The following CNIH3 variants were observed in gnomAD, a reference collection of about 807,000 sequenced individuals.
The protein encoded by CNIH3 is cornichon family AMPA receptor auxiliary protein 3, also known as protein cornichon homolog 3.
Under a neutral mutation model 24.1 loss-of-function variants are expected in CNIH3, and 14 were observed. That is an observed-to-expected ratio of 0.58 (90% CI 0.38 to 0.91). The LOEUF is 0.91. Among genes scored for constraint, CNIH3 ranks in the 40% least tolerant of loss-of-function variants. The probability of loss-of-function intolerance (pLI) is 0.00; values close to 1 mark genes in which losing one functional copy is unlikely to be tolerated. For synonymous variants in CNIH3, 68 were observed against 73.8 expected, an observed-to-expected ratio of 0.92 and a Z score of 0.40; for missense variants, 178 against 196.8, an observed-to-expected ratio of 0.90 and a Z score of 0.57.
At chr1:224,480,259 C>T (rs1276569730) in intron 1 of CNIH3, among the ~76,000 whole-genome samples, 1 of 152,170 alleles carries the variant, frequency 6.6e-6, no homozygotes, top group Non-Finnish European at 1.5e-5. Flanking sequence ...AGCACCAAGT[C>T]CCTAGACCGC....
intron 1 of CNIH3, among the ~76,000 whole-genome samples, chr1:224,477,769 C>T (rs1348941515): frequency 1.3e-5 from 2 of 152,156 alleles, no homozygotes; most frequent in African/African-American, 2.4e-5. Flanking sequence ...TTTGTACCTT[C>T]AGATAATTTC....
At chr1:224,454,114 G>T (rs1032811489) in intron 1 of CNIH3, among the ~76,000 whole-genome samples, 1 of 152,080 alleles carries the variant, frequency 6.6e-6, no homozygotes, top group Non-Finnish European at 1.5e-5. Flanking sequence ...TGAAGAAAAC[G>T]CACTATATTA....
At chr1:224,481,534 G>C (rs1435111317) in intron 1 of CNIH3, among the ~76,000 whole-genome samples, 1 of 152,158 alleles carries the variant, frequency 6.6e-6, no homozygotes, top group Non-Finnish European at 1.5e-5. Context: ...TGTGGTCTTG[G>C]ATAAAATCTA....
At chr1:224,496,416 G>A (rs1272274334) in intron 1 of CNIH3, among the ~76,000 whole-genome samples, 4 of 152,050 alleles carry the variant, frequency 2.6e-5, no homozygotes, top group Non-Finnish European at 4.4e-5. Flanking sequence ...TACCACCATC[G>A]CTCCTGCTGC....
chr1:224,515,202 G>T (rs958908447), upstream of CNIH3, among the ~76,000 whole-genome samples: 15 of 152,202 alleles, frequency 9.9e-5, 1 homozygote, highest in Non-Finnish European at 1.5e-5. Flanking sequence ...CAGTGGCATT[G>T]ATTTGATTAC....
intron 1 of CNIH3, among the ~76,000 whole-genome samples, chr1:224,648,589 C>G (rs1336594834): frequency 6.6e-6 from 1 of 152,072 alleles, no homozygotes; most frequent in Non-Finnish European, 1.5e-5. Context: ...CATTTAGGAG[C>G]AAAGCACACT....
intron 4 of CNIH3, among the ~76,000 whole-genome samples, chr1:224,577,896 GAACAAAATAATGGCATTCAA>G (rs1275489899): frequency 7.9e-5 from 12 of 152,050 alleles, no homozygotes; most frequent in African/African-American, 2.9e-4. Context: ...CCATAAAAAG[GAACAAAATAATGGCATTCAA>G]AACAATCTGG....
intron 2 of CNIH3, among the ~76,000 whole-genome samples, chr1:224,523,485 C>A (rs1023271613): frequency 2.6e-5 from 4 of 152,082 alleles, no homozygotes; most frequent in African/African-American, 4.8e-5. Flanking sequence ...GACTCAAGAC[C>A]AGGCAAAATG....
At chr1:224,651,826 A>G (rs1029953513) in intron 1 of CNIH3, among the ~76,000 whole-genome samples, 3 of 152,180 alleles carry the variant, frequency 2.0e-5, no homozygotes, top group Non-Finnish European at 2.9e-5. Context: ...GTCTATTTCA[A>G]TGGGATAAAT....
chr1:224,524,626 T>C (rs1678772989), intron 2 of CNIH3, among the ~76,000 whole-genome samples: 1 of 152,184 alleles, frequency 6.6e-6, no homozygotes, highest in Non-Finnish European at 1.5e-5. Flanking sequence ...ATAGTTGCAT[T>C]GTGTTAGGTA....
chr1:224,610,808 C>G lies in CNIH3; in HGVS notation n.402+44544C>G, dbSNP rs1017706191. Among the ~76,000 whole-genome samples the G allele has an allele frequency of 3.9e-5, 6 of 152,234 alleles. No individual in the cohort carries two copies. In the South Asian group the frequency reaches 1.2e-3, roughly 32 times the overall value. ...TGGAACATTCAGACTTACTTACAAGCAGAGAAAAAGTGTGATGTAATTTGC... is the reference window on the plus strand; with the variant it reads ...TGGAACATTCAGACTTACTTACAAGGAGAGAAAAAGTGTGATGTAATTTGC... On this transcript the variant is annotated intron_variant and non_coding_transcript_variant, in intron 3 of 7. Transcript: ENST00000478120.
downstream of CNIH3, among the ~76,000 whole-genome samples, chr1:224,591,534 A>G (rs1044353956): frequency 1.3e-5 from 2 of 152,214 alleles, no homozygotes; most frequent in Non-Finnish European, 2.9e-5. Context: ...AGGCCCAGCT[A>G]TCTTGGCAAC....
intron 2 of CNIH3, among the ~76,000 whole-genome samples, chr1:224,535,858 T>A (rs1679262723): frequency 6.6e-6 from 1 of 152,220 alleles, no homozygotes; most frequent in South Asian, 2.1e-4. Flanking sequence ...CCGCAGGAGA[T>A]GGCTGCCTAG....
rs919122689 is a variant in CNIH3 at position 224,669,629 on chromosome 1, G to A, written c.82-11329G>A. 3.3e-5 allele frequency among the ~76,000 whole-genome samples: 5 copies of A among 152,352 alleles called. No individual in the cohort carries two copies. The Middle Eastern group carries it at 0.01, about 311-fold the overall frequency. On this transcript the variant is annotated intron_variant, in intron 1 of 5. Transcript: ENST00000272133. ...CAAGGCCAGAAAGGGGAGGAGAGCC[G>A]TGAGACCAGAGGGTGGGGCCTGAAC... is the stretch of plus-strand genomic sequence containing the variant.
chr1:224,592,403 G>T (rs149811507), downstream of CNIH3, among the ~76,000 whole-genome samples: 11 of 152,240 alleles, frequency 7.2e-5, no homozygotes, highest in African/African-American at 2.2e-4. Context: ...GGGAAATCAC[G>T]GCAGTAATAT....
chr1:224,655,581 G>T (rs149705338), intron 1 of CNIH3, among the ~76,000 whole-genome samples: 1 of 152,288 alleles, frequency 6.6e-6, no homozygotes, highest in East Asian at 1.9e-4. Context: ...CTCCTAATGA[G>T]CAACATGGAA....
intron 1 of CNIH3, among the ~76,000 whole-genome samples, chr1:224,503,647 G>A (rs1007896552): frequency 4.6e-5 from 7 of 152,162 alleles, no homozygotes; most frequent in Non-Finnish European, 8.8e-5. Context: ...CCTGGCAACC[G>A]CACAGGGCTG....
intron 1 of CNIH3, among the ~76,000 whole-genome samples, chr1:224,460,080 T>C (rs1282528683): frequency 6.6e-6 from 1 of 151,908 alleles, no homozygotes; most frequent in Non-Finnish European, 1.5e-5. Flanking sequence ...TTTTGTCATA[T>C]CGCCCAGGCT....
At chr1:224,539,082 AAC>A (rs142640470), downstream of CNIH3, among the ~76,000 whole-genome samples, 29,721 of 151,996 alleles carry the variant, frequency 0.2, 3,072 homozygotes, top group South Asian at 0.36. Context: ...TCTTGTGGCT[AAC>A]ACAGATTTCC....
Sources: gnomAD v4.1 joint callset for allele counts (sites outside exome capture counted in the v4.1 genomes callset) on GRCh38, gnomAD v4.1.1 for gene constraint, MANE v1.5 for transcripts, NCBI Gene and HGNC (gene_info 2026-07-23, HGNC 2026-07-21) for gene names.